WWOX: variants seen among roughly 807,000 people sequenced by gnomAD.
WWOX encodes WW domain containing oxidoreductase.
A neutral mutation model predicts 46.2 loss-of-function variants in WWOX; 69 were observed. That is an observed-to-expected ratio of 1.49 (90% CI 1.23 to 1.82). The LOEUF (loss-of-function observed/expected upper bound fraction) is 1.82, where lower values mean the gene tolerates loss of function less well. Among genes scored for constraint, WWOX ranks in the 40% most tolerant of loss-of-function variants. WWOX has a pLI of 0.00. For synonymous variants in WWOX, 359 were observed against 202.6 expected (o/e 1.77, Z -6.56); for missense variants, 919 against 542.6 (o/e 1.69, Z -6.89).
At chr16:79,188,277 G>A (rs550514035) in intron 8 of WWOX, among the ~76,000 whole-genome samples, 4 of 152,302 alleles carry the variant, frequency 2.6e-5, no homozygotes, top group South Asian at 2.1e-4. Context: ...AGGAAATGTC[G>A]GTGGAGGCAG....
rs562338799 is a variant in WWOX, at chr16:79,079,456, G to A, written c.1057-132152G>A. On this transcript the variant is annotated intron_variant, in intron 8 of 8. Transcript: ENST00000566780. The stretch of plus-strand genomic sequence containing the variant: ...GGCATCCCAGGTGACTCATTCCTGT[G>A]ACCTTGGGAGACAGTCTTTCTTCCT... Among the ~76,000 whole-genome samples, 7 of 152,164 alleles carry A rather than the reference G, an allele frequency of 4.6e-5. No individual in the cohort carries two copies. In the South Asian group the frequency reaches 1.5e-3, roughly 32 times the overall value.
chr16:78,764,514 T>G (rs776742463), intron 8 of WWOX, among the ~76,000 whole-genome samples: 1 of 146,380 alleles, frequency 6.8e-6, no homozygotes, highest in African/African-American at 2.5e-5. Flanking sequence ...GTCTAGAACC[T>G]GTGTTCTCTG....
intron 8 of WWOX, among the ~76,000 whole-genome samples, chr16:78,579,856 G>T (rs945198216): frequency 1.3e-5 from 2 of 152,082 alleles, no homozygotes; most frequent in Admixed American, 1.3e-4. Flanking sequence ...TCTGAAATGA[G>T]GCTGCCTCGA....
chr16:78,895,707 G>C (rs1279269997), intron 8 of WWOX: 1 of 152,174 alleles, frequency 6.6e-6, no homozygotes, highest in Non-Finnish European at 1.5e-5. Flanking sequence ...TCTTCAAAAA[G>C]TTCATTGGTC....
intron 8 of WWOX, among the ~76,000 whole-genome samples, chr16:78,483,329 T>C (rs2084543632): frequency 6.6e-6 from 1 of 152,094 alleles, no homozygotes; most frequent in African/African-American, 2.4e-5. Context: ...TGCCTCCGCT[T>C]TCATGAAAAG....
At chr16:78,482,280 G>A (rs890573059) in intron 8 of WWOX, among the ~76,000 whole-genome samples, 3 of 152,070 alleles carry the variant, frequency 2.0e-5, no homozygotes, top group Admixed American at 2.0e-4. Context: ...CTTTTGGCCA[G>A]GCTAGAGTGC....
intron 3 of WWOX, 63 bp downstream of exon 3, chr16:78,109,898 A>G (rs1456540396): frequency 1.6e-5 from 25 of 1,536,280 alleles, no homozygotes; most frequent in Middle Eastern, 3.4e-4. Context: ...TTTTAATTAT[A>G]AAAGTAATAC....
At chr16:78,247,857 G>A (rs888358306) in intron 5 of WWOX, among the ~76,000 whole-genome samples, 4 of 152,324 alleles carry the variant, frequency 2.6e-5, no homozygotes, top group Non-Finnish European at 2.9e-5. Context: ...GAGGAAAGAG[G>A]ACACTTATGT....
intron 8 of WWOX, among the ~76,000 whole-genome samples, chr16:78,844,635 A>G (rs1261417169): frequency 1.3e-5 from 2 of 152,092 alleles, no homozygotes; most frequent in Admixed American, 1.3e-4. Flanking sequence ...CATACAGTCA[A>G]ATAATTTCCG....
At chr16:78,997,696 C>T (rs1269254811) in intron 8 of WWOX, among the ~76,000 whole-genome samples, 2 of 152,038 alleles carry the variant, frequency 1.3e-5, no homozygotes, top group African/African-American at 4.8e-5. Context: ...CCTTTCCCTC[C>T]TACCCCTCTT....
chr16:78,547,242 G>A (rs1003399149), intron 8 of WWOX, among the ~76,000 whole-genome samples: 3 of 150,414 alleles, frequency 2.0e-5, no homozygotes, highest in Non-Finnish European at 3.0e-5. Context: ...CCTTTACATT[G>A]GAGACACTAT....
At chr16:78,214,305 C>A (rs1425117422) in intron 5 of WWOX, among the ~76,000 whole-genome samples, 1 of 150,404 alleles carries the variant, frequency 6.6e-6, no homozygotes, top group African/African-American at 2.5e-5. Context: ...AAGTACTGAA[C>A]CTCTCTGAAC....
intron 8 of WWOX, among the ~76,000 whole-genome samples, chr16:78,759,360 T>C (rs544665057): frequency 6.6e-6 from 1 of 152,222 alleles, no homozygotes; most frequent in African/African-American, 2.4e-5. Flanking sequence ...ACAGAAAATA[T>C]TCTTCTGTTT....
chr16:78,736,184 G>A (rs1320710774), intron 8 of WWOX, among the ~76,000 whole-genome samples: 1 of 152,170 alleles, frequency 6.6e-6, no homozygotes, highest in Non-Finnish European at 1.5e-5. Context: ...CTGGCTTCAG[G>A]TTTATCCTTG....
intron 8 of WWOX, among the ~76,000 whole-genome samples, chr16:78,486,528 G>A (rs1200897737): frequency 6.6e-6 from 1 of 150,488 alleles, no homozygotes; most frequent in Non-Finnish European, 1.5e-5. Context: ...CCTGGTTGTT[G>A]TACACTACTG....
At chr16:78,932,468 C>T (rs907058932) in intron 8 of WWOX, among the ~76,000 whole-genome samples, 3 of 152,194 alleles carry the variant, frequency 2.0e-5, no homozygotes, top group Admixed American at 6.5e-5. Context: ...TGCACACCGA[C>T]AGCCACAGAT....
chr16:78,982,412 G>A (rs2046700631), intron 8 of WWOX, among the ~76,000 whole-genome samples: 1 of 152,192 alleles, frequency 6.6e-6, no homozygotes, highest in African/African-American at 2.4e-5. Context: ...CTGGTAAGCT[G>A]GCCCCAACCA....
chr16:79,167,134 G>C (rs974534562), intron 8 of WWOX, among the ~76,000 whole-genome samples: 2 of 152,104 alleles, frequency 1.3e-5, no homozygotes, highest in Admixed American at 6.6e-5. Flanking sequence ...TAGAGACGGG[G>C]TTTTGCCATG....
intron 8 of WWOX, among the ~76,000 whole-genome samples, chr16:78,500,950 C>T (rs1017992871): frequency 6.6e-6 from 1 of 152,140 alleles, no homozygotes; most frequent in Non-Finnish European, 1.5e-5. Flanking sequence ...AGGTACCACG[C>T]TTAGGTCTGC....
Sources: gnomAD v4.1 joint callset for allele counts (sites outside exome capture counted in the v4.1 genomes callset) on GRCh38, gnomAD v4.1.1 for gene constraint, MANE v1.5 for transcripts, NCBI Gene and HGNC (gene_info 2026-07-23, HGNC 2026-07-21) for gene names.